Variants in PBX1 observed in about 807,000 individuals in gnomAD.
PBX1 encodes the protein pre-B-cell leukemia transcription factor 1.
PBX1 carries 6 observed loss-of-function variants against 53.4 expected under a neutral mutation model. The observed-to-expected ratio is 0.11, with a 90% CI of 0.06 to 0.22. PBX1 has a LOEUF of 0.22. PBX1 is among the 10% of genes least tolerant of loss of function. The pLI is 1.00. For missense variants in PBX1, 251 were observed against 551.4 expected (o/e 0.46, Z 5.46); for synonymous variants, 204 against 212.3 (o/e 0.96, Z 0.34).
Position 164,821,562 on chromosome 1 carries a change from G to C in PBX1, c.1136G>C (p.Ser379Thr). 6.2e-7 allele frequency: 1 copy of C among 1,614,010 alleles called. No homozygotes were observed. Residue 379 changes from serine (S) to threonine (T), a missense_variant, in exon 8 of 9, where the codon AGC (serine) becomes ACC (threonine). Physicochemically the swap from Ser to Thr is moderately conservative, Grantham distance 58. Transcript: ENST00000420696. ...SQVDTLRHVI[S>T]QTGGYSDGLA... ...GTGGATACCCTTCGCCATGTTATCA[G>C]CCAGACAGGAGGATACAGTGATGGA...
At chr1:164,817,690 A>G (rs1669941972) in intron 6 of PBX1, 1 of 152,250 alleles carries the variant, frequency 6.6e-6, no homozygotes, top group African/African-American at 2.4e-5. Context: ...TTTTTAAATC[A>G]CCTGTGTCAA....
intron 2 of PBX1, among the ~76,000 whole-genome samples, chr1:164,667,175 T>C (rs981994074): frequency 2.0e-5 from 3 of 152,200 alleles, no homozygotes; most frequent in African/African-American, 7.2e-5. Flanking sequence ...TTCATGAACC[T>C]TGGCCTTGTG....
chr1:164,590,280 G>A (rs2101767469), intron 2 of PBX1: 1 of 450,906 alleles, frequency 2.2e-6, no homozygotes. Flanking sequence ...ACTGGAAAGG[G>A]AGGAGCCAAA....
intron 3 of PBX1, among the ~76,000 whole-genome samples, chr1:164,795,784 C>T (rs1013076519): frequency 6.6e-6 from 1 of 151,978 alleles, no homozygotes; most frequent in Non-Finnish European, 1.5e-5. Flanking sequence ...AATAGAAAAC[C>T]TTGGTCAAGT....
intron 2 of PBX1, among the ~76,000 whole-genome samples, chr1:164,776,938 G>GGGT (rs1667689180): frequency 1.8e-5 from 2 of 110,002 alleles, no homozygotes; most frequent in Non-Finnish European, 3.7e-5. Context: ...TGTGTGTGGT[G>GGGT]GGAGGAGAGA....
At chr1:164,745,723 C>T (rs992044128) in intron 2 of PBX1, among the ~76,000 whole-genome samples, 1 of 152,202 alleles carries the variant, frequency 6.6e-6, no homozygotes, top group Admixed American at 6.5e-5. Context: ...TCTGAAGTGT[C>T]TAATAAGGAC....
intron 2 of PBX1, among the ~76,000 whole-genome samples, chr1:164,883,898 A>G (rs772136602): frequency 2.0e-5 from 3 of 152,230 alleles, no homozygotes; most frequent in Non-Finnish European, 4.4e-5. Flanking sequence ...AAAAGAGGAC[A>G]GGTGTCTAAC....
At chr1:164,707,578 A>G (rs1390464517) in intron 2 of PBX1, among the ~76,000 whole-genome samples, 1 of 152,124 alleles carries the variant, frequency 6.6e-6, no homozygotes, top group Non-Finnish European at 1.5e-5. Flanking sequence ...GAAGAACCCA[A>G]TGCTGGAATG....
At chr1:164,715,186 T>C (rs1320639275) in intron 2 of PBX1, among the ~76,000 whole-genome samples, 1 of 152,244 alleles carries the variant, frequency 6.6e-6, no homozygotes, top group Non-Finnish European at 1.5e-5. Context: ...TTGCAAGTGA[T>C]GACTCCTTCA....
intron 2 of PBX1, among the ~76,000 whole-genome samples, chr1:164,616,787 A>G (rs188355502): frequency 6.6e-6 from 1 of 152,206 alleles, no homozygotes; most frequent in Admixed American, 6.5e-5. Flanking sequence ...ATATGTATTG[A>G]TACTCATCAT....
At chr1:164,761,633 C>T (rs532224715) in intron 2 of PBX1, among the ~76,000 whole-genome samples, 2 of 152,018 alleles carry the variant, frequency 1.3e-5, no homozygotes, top group Non-Finnish European at 1.5e-5. Context: ...TTAGTAGAGA[C>T]GGGGTTTCAC....
chr1:164,835,776 G>A (rs1671008366), intron 8 of PBX1, among the ~76,000 whole-genome samples: 1 of 152,150 alleles, frequency 6.6e-6, no homozygotes, highest in African/African-American at 2.4e-5. Flanking sequence ...CTATTTCTGT[G>A]TAAAGTTCTT....
chr1:164,750,086 G>A (rs1666114504), intron 2 of PBX1, among the ~76,000 whole-genome samples: 1 of 150,426 alleles, frequency 6.6e-6, no homozygotes, highest in South Asian at 2.1e-4. Flanking sequence ...GACAGAGTGA[G>A]ATCCTAACTC....
At chr1:164,878,948 A>G (rs919682977) in intron 2 of PBX1, among the ~76,000 whole-genome samples, 1 of 152,200 alleles carries the variant, frequency 6.6e-6, no homozygotes, top group African/African-American at 2.4e-5. Context: ...GAAGCATAGG[A>G]GAAACTTAAG....
intron 2 of PBX1, among the ~76,000 whole-genome samples, chr1:164,567,016 A>AGT (rs1014564760): frequency 1.3e-5 from 2 of 151,912 alleles, no homozygotes; most frequent in Non-Finnish European, 2.9e-5. Flanking sequence ...ACAGAACTGT[A>AGT]GTGTGTGTGT....
chr1:164,736,629 A>G (rs1571312281), intron 2 of PBX1, among the ~76,000 whole-genome samples: 1 of 152,234 alleles, frequency 6.6e-6, no homozygotes, highest in South Asian at 2.1e-4. Context: ...ACAAAGGCAG[A>G]AGTCAGGAAA....
At chr1:164,741,301 G>A (rs1665588862) in intron 2 of PBX1, among the ~76,000 whole-genome samples, 1 of 152,168 alleles carries the variant, frequency 6.6e-6, no homozygotes, top group African/African-American at 2.4e-5. Flanking sequence ...GGACTTTTTG[G>A]TAAAATTCCT....
intron 2 of PBX1, among the ~76,000 whole-genome samples, chr1:164,631,581 T>C (rs2101879798): frequency 6.6e-6 from 1 of 152,340 alleles, no homozygotes. Context: ...TCATTTCTGC[T>C]TAGCCTCCGG....
Position 164,628,249 on chromosome 1 carries a change from G to A in PBX1, c.265+64938G>A, listed in dbSNP as rs544933659. 3.3e-5 allele frequency among the ~76,000 whole-genome samples: 5 copies of A among 152,288 alleles called. No individual in the cohort carries two copies. In the East Asian group the frequency reaches 9.6e-4, roughly 29 times the overall value. Reference sequence around the variant, plus strand: ...TTCTAGTCCTGTAGTCATCTAATGAGACTATAAATCAGTTTACAACTGATA... The same window carrying A: ...TTCTAGTCCTGTAGTCATCTAATGAAACTATAAATCAGTTTACAACTGATA... On this transcript the variant is annotated intron_variant, in intron 2 of 8. Transcript: ENST00000420696.
Sources: allele counts gnomAD v4.1 joint callset (sites outside exome capture counted in the v4.1 genomes callset), GRCh38; gene constraint gnomAD v4.1.1; transcripts MANE v1.5; gene names NCBI Gene and HGNC (gene_info 2026-07-23, HGNC 2026-07-21).